The following CNKSR2 variants were observed in gnomAD, a reference collection of about 807,000 sequenced individuals.
CNKSR2 encodes connector enhancer of kinase suppressor of Ras 2.
In CNKSR2, 14 loss-of-function variants were observed where a neutral mutation model predicts 84.4. The observed-to-expected ratio is 0.17, with a 90% CI of 0.11 to 0.26. The LOEUF is 0.26. Ranked by LOEUF, CNKSR2 falls within the 10% of genes least tolerant of loss-of-function variation. The probability of loss-of-function intolerance (pLI) is 1.00; values close to 1 mark genes in which losing one functional copy is unlikely to be tolerated. For synonymous variants in CNKSR2, 275 were observed against 277.9 expected (o/e 0.99, Z 0.10); for missense variants, 485 against 771.2 (o/e 0.63, Z 4.40).
chrX:21,584,984 G>A (rs2092376978), intron 13 of CNKSR2, among the ~76,000 whole-genome samples: 1 of 110,323 alleles, frequency 9.1e-6, no homozygotes, highest in Non-Finnish European at 1.9e-5. Flanking sequence ...GCTCACACCT[G>A]TAATCCCAGC....
At chrX:21,650,576 A>T (rs776609632) in intron 21 of CNKSR2, among the ~76,000 whole-genome samples, 45 of 105,839 alleles carry the variant, frequency 4.3e-4, no homozygotes, top group South Asian at 3.3e-3. Context: ...AAGTATAATT[A>T]AAAAAAAAAA....
chrX:21,382,100 T>G (rs941577763), intron 1 of CNKSR2, among the ~76,000 whole-genome samples: 2 of 111,691 alleles, frequency 1.8e-5, no homozygotes, highest in African/African-American at 6.5e-5. Flanking sequence ...ATTCACAGAT[T>G]ACTGGTCTGT....
chrX:21,465,189 T>G (rs189120604), intron 4 of CNKSR2, among the ~76,000 whole-genome samples: 17 of 112,280 alleles, frequency 1.5e-4, no homozygotes, highest in African/African-American at 4.5e-4. Context: ...TTGTTAGAAT[T>G]TATCTTATCT....
In CNKSR2 at chrX:21,584,845, G is replaced by T. The variant is rs183760997; in HGVS notation, c.1609-5727G>T. On this transcript the variant is annotated intron_variant, in intron 13 of 21. Coordinates refer to ENST00000379510, the MANE Select transcript of CNKSR2 (RefSeq NM_014927.5). Reference sequence around the variant, plus strand: ...GCCTTCAAGTCATTGAAAGGATATAGGCATTTATTCAGAGGGACATGAGAA... The same window carrying T: ...GCCTTCAAGTCATTGAAAGGATATATGCATTTATTCAGAGGGACATGAGAA... Among the ~76,000 whole-genome samples the T allele has an allele frequency of 6.3e-5, 7 of 111,253 alleles. No homozygotes were observed. In the Middle Eastern group the frequency reaches 0.014, roughly 220 times the overall value.
At chrX:21,463,706 G>C (rs1355307709) in intron 4 of CNKSR2, among the ~76,000 whole-genome samples, 1 of 111,263 alleles carries the variant, frequency 9.0e-6, no homozygotes, top group African/African-American at 3.3e-5. Context: ...TAAGGCAACA[G>C]GTTCCCTTTT....
intron 1 of CNKSR2, among the ~76,000 whole-genome samples, chrX:21,386,783 G>C (rs1173007743): frequency 9.0e-6 from 1 of 111,326 alleles, no homozygotes; most frequent in East Asian, 2.8e-4. Context: ...TTTTATAAAA[G>C]CTATTACAAT....
chrX:21,542,292 A>G (rs2091983412), intron 11 of CNKSR2, among the ~76,000 whole-genome samples: 1 of 112,374 alleles, frequency 8.9e-6, no homozygotes, highest in Admixed American at 9.4e-5. Flanking sequence ...TTTGTCTGCC[A>G]TCTAATTATT....
intron 9 of CNKSR2, among the ~76,000 whole-genome samples, chrX:21,517,862 AT>A (rs964697460): frequency 9.0e-6 from 1 of 111,266 alleles, no homozygotes; most frequent in African/African-American, 3.3e-5. Flanking sequence ...TTATTCATAG[AT>A]TTTTTTTCCT....
intron 1 of CNKSR2, among the ~76,000 whole-genome samples, chrX:21,382,518 T>A (rs2089913255): frequency 9.0e-6 from 1 of 111,249 alleles, no homozygotes; most frequent in African/African-American, 3.3e-5. Flanking sequence ...GAACTCTATA[T>A]ATCTTAGAAT....
chrX:21,470,477 C>T (rs892646132), intron 4 of CNKSR2, among the ~76,000 whole-genome samples: 1 of 110,228 alleles, frequency 9.1e-6, no homozygotes, highest in Non-Finnish European at 1.9e-5. Context: ...AATATTTTTT[C>T]AATATTTGTT....
chrX:21,548,959 A>C (rs2092056994), intron 11 of CNKSR2, among the ~76,000 whole-genome samples: 1 of 112,427 alleles, frequency 8.9e-6, no homozygotes, highest in Non-Finnish European at 1.9e-5. Flanking sequence ...ACCCACAGCC[A>C]ATATCATACT....
intron 1 of CNKSR2, among the ~76,000 whole-genome samples, chrX:21,396,539 C>A (rs1012318457): frequency 9.1e-6 from 1 of 110,103 alleles, no homozygotes; most frequent in South Asian, 3.9e-4. Flanking sequence ...ATTTAATGGG[C>A]AAATTTGAAG....
At chrX:21,388,961 C>T (rs772154772) in intron 1 of CNKSR2, among the ~76,000 whole-genome samples, 3 of 108,343 alleles carry the variant, frequency 2.8e-5, no homozygotes, top group East Asian at 2.9e-4. Context: ...ACCCATGATA[C>T]GATGTGATAT....
intron 1 of CNKSR2, among the ~76,000 whole-genome samples, chrX:21,376,518 A>G (rs1283570117): frequency 9.0e-6 from 1 of 111,713 alleles, no homozygotes; most frequent in Non-Finnish European, 1.9e-5. Context: ...AAAGTCCTGC[A>G]GTGGCTCATC....
intron 8 of CNKSR2, among the ~76,000 whole-genome samples, chrX:21,515,722 A>G (rs2091721751): frequency 8.9e-6 from 1 of 111,819 alleles, no homozygotes; most frequent in Non-Finnish European, 1.9e-5. Context: ...TAATTTTAAC[A>G]GGGGATGCAG....
intron 1 of CNKSR2, among the ~76,000 whole-genome samples, chrX:21,388,869 T>G (rs1329001306): frequency 3.6e-5 from 4 of 110,857 alleles, no homozygotes; most frequent in Non-Finnish European, 7.5e-5. Flanking sequence ...TACAACTTTA[T>G]AGTGGAGAAA....
intron 13 of CNKSR2, among the ~76,000 whole-genome samples, chrX:21,582,014 T>C (rs1425581000): frequency 1.8e-5 from 2 of 111,710 alleles, no homozygotes; most frequent in Non-Finnish European, 3.8e-5. Context: ...GGTTTTCTAA[T>C]TGAACTGAGT....
chrX:21,552,254 A>G (rs1445084370), intron 11 of CNKSR2, among the ~76,000 whole-genome samples: 2 of 111,644 alleles, frequency 1.8e-5, no homozygotes, highest in Non-Finnish European at 3.8e-5. Flanking sequence ...TATGGAAGAA[A>G]GAGGTTATAT....
At chrX:21,578,394 A>G (rs2092332594) in intron 13 of CNKSR2, among the ~76,000 whole-genome samples, 1 of 110,806 alleles carries the variant, frequency 9.0e-6, no homozygotes, top group Non-Finnish European at 1.9e-5. Context: ...TTAAGAAGAG[A>G]ATTGCCTTTT....
Sources: allele counts gnomAD v4.1 joint callset (sites outside exome capture counted in the v4.1 genomes callset), GRCh38; gene constraint gnomAD v4.1.1; transcripts MANE v1.5; gene names NCBI Gene and HGNC (gene_info 2026-07-23, HGNC 2026-07-21).